DLGAP2: variants seen among roughly 807,000 people sequenced by gnomAD.
DLGAP2 encodes the protein DLG associated protein 2.
DLGAP2 carries 26 observed loss-of-function variants against 100.3 expected under a neutral mutation model. That is an observed-to-expected ratio of 0.26 (90% confidence interval 0.19 to 0.36). DLGAP2 has a LOEUF of 0.36. Ranked by LOEUF, DLGAP2 falls within the 10% of genes least tolerant of loss-of-function variation. The probability of loss-of-function intolerance (pLI) is 1.00; values close to 1 mark genes in which losing one functional copy is unlikely to be tolerated. For missense variants in DLGAP2, 1,858 were observed against 1,453.2 expected, an observed-to-expected ratio of 1.28 and a Z score of -4.53; for synonymous variants, 886 against 630.1, an observed-to-expected ratio of 1.41 and a Z score of -6.08.
intron 3 of DLGAP2, among the ~76,000 whole-genome samples, chr8:1,433,028 C>G (rs755448526): frequency 6.6e-6 from 1 of 152,196 alleles, no homozygotes. Flanking sequence ...ACAGTCTGCT[C>G]TCCTCATGAT....
chr8:1,119,686 CT>C (rs1379728264), intron 2 of DLGAP2, among the ~76,000 whole-genome samples: 1 of 152,194 alleles, frequency 6.6e-6, no homozygotes. Flanking sequence ...CGCCACTCAA[CT>C]TTGAATTTAA....
At chr8:1,174,170 A>T (rs1274210109) in intron 2 of DLGAP2, among the ~76,000 whole-genome samples, 7 of 152,156 alleles carry the variant, frequency 4.6e-5, no homozygotes, top group African/African-American at 1.7e-4. Context: ...TGAGTTAGGA[A>T]TTAGGTACAT....
intron 2 of DLGAP2, among the ~76,000 whole-genome samples, chr8:1,180,554 GC>G (rs11308692): frequency 0.12 from 17,708 of 152,184 alleles, 2,025 homozygotes; most frequent in African/African-American, 0.3. Flanking sequence ...AAGAACCAGT[GC>G]GTGTGGCACA....
intron 6 of DLGAP2, chr8:1,621,470 C>G (rs562974849): frequency 2.0e-5 from 3 of 152,408 alleles, no homozygotes; most frequent in Admixed American, 6.5e-5. Context: ...GGGTCAGCCC[C>G]GTTGGGACCC....
chr8:1,494,460 G>A lies in DLGAP2; in HGVS notation c.107-6906G>A, dbSNP rs75546037. Among the ~76,000 whole-genome samples, 252 of 152,300 alleles carry A rather than the reference G, an allele frequency of 1.7e-3. 1 individual carries two copies. In the East Asian group the frequency reaches 0.031, roughly 19 times the overall value. ...AATGAGGGGCCACTTGGGCAGGTGC[G>A]GTGCCTCACGCCTTAATCCCAGCAC... On this transcript the variant is annotated intron_variant, in intron 3 of 14. Transcript: ENST00000637795.
chr8:1,138,639 T>G (rs1048863775), intron 2 of DLGAP2, among the ~76,000 whole-genome samples: 13 of 152,272 alleles, frequency 8.5e-5, no homozygotes, highest in African/African-American at 3.1e-4. Context: ...CGTCTTTAAA[T>G]GGAATGTTGC....
intron 1 of DLGAP2, among the ~76,000 whole-genome samples, chr8:764,784 A>G (rs541303716): frequency 2.0e-5 from 3 of 152,320 alleles, no homozygotes; most frequent in Admixed American, 2.0e-4. Context: ...AGGTTCTCTC[A>G]TAGGTATAAC....
chr8:1,108,254 G>C (rs780180677), intron 2 of DLGAP2, among the ~76,000 whole-genome samples: 45 of 152,182 alleles, frequency 3.0e-4, no homozygotes, highest in Non-Finnish European at 5.4e-4. Context: ...TCCAAACTCA[G>C]TATGTGCTGA....
chr8:1,616,195 C>G (rs115599908), intron 6 of DLGAP2, among the ~76,000 whole-genome samples: 2,713 of 151,942 alleles, frequency 0.018, 74 homozygotes, highest in African/African-American at 0.061. Context: ...AGTAGATATT[C>G]TCAAATATGA....
chr8:1,610,946 A>T (rs1171396826), intron 6 of DLGAP2, among the ~76,000 whole-genome samples: 1 of 101,498 alleles, frequency 9.9e-6, no homozygotes, highest in Non-Finnish European at 1.9e-5. Flanking sequence ...TCACAGCCGA[A>T]TTCTACCAGA....
chr8:1,233,149 C>A (rs939599870), intron 2 of DLGAP2, among the ~76,000 whole-genome samples: 1 of 152,230 alleles, frequency 6.6e-6, no homozygotes, highest in African/African-American at 2.4e-5. Flanking sequence ...GAGCAAATGA[C>A]ATTCCATTGT....
Position 1,695,638 on chromosome 8 carries a change from C to T in DLGAP2, c.2797-1509C>T, listed in dbSNP as rs1043749950. The stretch of plus-strand genomic sequence containing the variant: ...GGGGGCACAGCCATGCCCGGCACTA[C>T]AGAAAGAGGGGCACAGCTGTGCCCA... On this transcript the variant is annotated intron_variant, in intron 13 of 14. Transcript: ENST00000637795. 2.0e-5 allele frequency among the ~76,000 whole-genome samples: 3 copies of T among 152,012 alleles called. No individual in the cohort carries two copies. The East Asian group carries it at 5.8e-4, about 29-fold the overall frequency.
intron 2 of DLGAP2, among the ~76,000 whole-genome samples, chr8:989,268 C>G (rs1800580843): frequency 1.3e-5 from 2 of 152,284 alleles, no homozygotes; most frequent in African/African-American, 4.8e-5. Flanking sequence ...GCACCCCTCC[C>G]CACTTCACTC....
chr8:1,049,360 G>A (rs578116530), intron 2 of DLGAP2, among the ~76,000 whole-genome samples: 36 of 152,152 alleles, frequency 2.4e-4, no homozygotes, highest in South Asian at 2.1e-4. Flanking sequence ...CCTTCTTCCC[G>A]TGACTTGCTC....
At chr8:911,906 A>T (rs767886512) in intron 2 of DLGAP2, among the ~76,000 whole-genome samples, 2 of 152,248 alleles carry the variant, frequency 1.3e-5, no homozygotes, top group East Asian at 3.8e-4. Context: ...TTCAGTTCCT[A>T]GATGATCTGG....
At chr8:1,377,309 C>T (rs1200365795) in intron 3 of DLGAP2, among the ~76,000 whole-genome samples, 1 of 152,200 alleles carries the variant, frequency 6.6e-6, no homozygotes, top group African/African-American at 2.4e-5. Context: ...CTTTGGGAGG[C>T]CGAGGCGGGC....
intron 3 of DLGAP2, among the ~76,000 whole-genome samples, chr8:1,367,720 T>G (rs10503165): frequency 0.097 from 14,718 of 152,324 alleles, 854 homozygotes; most frequent in East Asian, 0.24. Flanking sequence ...GTGTCTCATT[T>G]AAAACGGTTC....
At chr8:848,038 T>G (rs1366274514) in intron 1 of DLGAP2, among the ~76,000 whole-genome samples, 1 of 152,176 alleles carries the variant, frequency 6.6e-6, no homozygotes, top group Non-Finnish European at 1.5e-5. Context: ...GGCCTGTTAC[T>G]CTTCAGTTCT....
At chr8:1,656,321 A>G (rs1353577386) in intron 8 of DLGAP2, among the ~76,000 whole-genome samples, 1 of 152,154 alleles carries the variant, frequency 6.6e-6, no homozygotes. Flanking sequence ...AAAAAAAAAA[A>G]AAGTTTGAGC....
Sources: gnomAD v4.1 joint callset for allele counts (sites outside exome capture counted in the v4.1 genomes callset) on GRCh38, gnomAD v4.1.1 for gene constraint, MANE v1.5 for transcripts, NCBI Gene and HGNC (gene_info 2026-07-23, HGNC 2026-07-21) for gene names.